The following FAM81B variants were observed in gnomAD, a reference collection of about 807,000 sequenced individuals.
FAM81B encodes the protein protein FAM81B.
In FAM81B, 60 loss-of-function variants were observed where a neutral mutation model predicts 58.7. The observed-to-expected ratio is 1.02, with a 90% confidence interval of 0.83 to 1.27. FAM81B has a LOEUF of 1.27. Ranked by LOEUF, FAM81B falls within the 50% of genes most tolerant of loss-of-function variation. The pLI is 0.00. For missense variants in FAM81B, 491 were observed against 522.0 expected, an observed-to-expected ratio of 0.94 and a Z score of 0.58; for synonymous variants, 189 against 179.6, an observed-to-expected ratio of 1.05 and a Z score of -0.42.
chr5:95,434,903 C>T (rs573858083), intron 6 of FAM81B, among the ~76,000 whole-genome samples: 65 of 152,150 alleles, frequency 4.3e-4, no homozygotes, highest in African/African-American at 1.2e-3. Flanking sequence ...AGATCCTTTG[C>T]GAAGCAAATG....
intron 5 of FAM81B, 46 bp downstream of exon 5, chr5:95,420,448 C>T: frequency 6.2e-7 from 1 of 1,607,384 alleles, no homozygotes; most frequent in Admixed American, 1.7e-5. Flanking sequence ...AATTCTTGGC[C>T]AGTGAATTCG....
At chr5:95,448,135 G>C (rs1745653788) in intron 8 of FAM81B, 134 bp from the exon 9 acceptor site, 7 of 801,794 alleles carry the variant, frequency 8.7e-6, no homozygotes, top group African/African-American at 1.8e-5. Flanking sequence ...TATGAACACA[G>C]TTTTAGATAC....
At chr5:95,396,925 A>C (rs796718927) in intron 3 of FAM81B, 2 of 152,362 alleles carry the variant, frequency 1.3e-5, no homozygotes, top group African/African-American at 4.8e-5. Context: ...TTGAAAAACA[A>C]AGAGGTTGGA....
intron 6 of FAM81B, among the ~76,000 whole-genome samples, chr5:95,435,839 A>G (rs1177576893): frequency 6.6e-6 from 1 of 152,114 alleles, no homozygotes; most frequent in Non-Finnish European, 1.5e-5. Context: ...TAAATTGCCT[A>G]TTATTTTATT....
intron 7 of FAM81B, chr5:95,440,473 G>A: frequency 1.6e-6 from 1 of 629,774 alleles, no homozygotes; most frequent in Non-Finnish European, 3.1e-6. Flanking sequence ...AGTTGCTAAG[G>A]CAAATCAAAC....
intron 3 of FAM81B, 33 bp from the exon 4 acceptor site, chr5:95,413,914 G>A (rs761892066): frequency 6.3e-7 from 1 of 1,589,542 alleles, no homozygotes; most frequent in Non-Finnish European, 8.6e-7. Flanking sequence ...TTCTTGTAAT[G>A]CCCTGGTGTT....
chr5:95,418,829 T>G (rs191237198), intron 4 of FAM81B, among the ~76,000 whole-genome samples: 3 of 152,274 alleles, frequency 2.0e-5, no homozygotes, highest in African/African-American at 7.2e-5. Context: ...GATCTATTTT[T>G]TTCTGAAATC....
intron 3 of FAM81B, among the ~76,000 whole-genome samples, chr5:95,409,790 C>CA (rs969119158): frequency 1.3e-5 from 2 of 151,974 alleles, no homozygotes; most frequent in African/African-American, 4.8e-5. Context: ...TGGCATTGCC[C>CA]AAAAAAACTT....
chr5:95,446,416 T>C (rs1745558686), intron 7 of FAM81B, 146 bp from the exon 8 acceptor site: 1 of 742,238 alleles, frequency 1.3e-6, no homozygotes, highest in Non-Finnish European at 2.1e-6. Flanking sequence ...GTACTTACCT[T>C]GCCTCTGGCA....
chr5:95,423,792 A>T (rs997452392), intron 5 of FAM81B, among the ~76,000 whole-genome samples: 1 of 152,200 alleles, frequency 6.6e-6, no homozygotes, highest in Admixed American at 6.5e-5. Context: ...GACCACAAAC[A>T]GAGCACACTT....
At chr5:95,440,372 G>T (rs1745286356) in intron 7 of FAM81B, 1 of 725,518 alleles carries the variant, frequency 1.4e-6, no homozygotes, top group Admixed American at 1.8e-5. Context: ...CTGGTGTGAA[G>T]GCTAACCTGC....
intron 4 of FAM81B, among the ~76,000 whole-genome samples, chr5:95,418,944 G>A (rs1247731386): frequency 6.6e-6 from 1 of 151,986 alleles, no homozygotes; most frequent in Non-Finnish European, 1.5e-5. Context: ...TTTATGAATT[G>A]CATATAGAGT....
At chr5:95,444,790 T>C (rs1425658733) in intron 7 of FAM81B, among the ~76,000 whole-genome samples, 1 of 152,104 alleles carries the variant, frequency 6.6e-6, no homozygotes, top group African/African-American at 2.4e-5. Flanking sequence ...TATTGGAAAA[T>C]TAACTTACAT....
intron 4 of FAM81B, among the ~76,000 whole-genome samples, chr5:95,418,793 T>C (rs1762604280): frequency 6.6e-6 from 1 of 152,156 alleles, no homozygotes; most frequent in African/African-American, 2.4e-5. Context: ...CTGTGACTTT[T>C]ATGGCTTAAT....
chr5:95,436,715 C>G (rs1475882482), intron 6 of FAM81B, 85 bp from the exon 7 acceptor site: 9 of 894,802 alleles, frequency 1.0e-5, no homozygotes, highest in Non-Finnish European at 1.8e-6. Context: ...TAATCTGTTT[C>G]CCGGCTCCTT....
intron 7 of FAM81B, chr5:95,440,647 C>A: frequency 1.1e-6 from 1 of 873,352 alleles, no homozygotes; most frequent in Non-Finnish European, 1.7e-6. Flanking sequence ...ACAATTATTA[C>A]TGATCCAAGG....
At chr5:95,413,688 AG>A (rs1174958326) in intron 3 of FAM81B, among the ~76,000 whole-genome samples, 1 of 152,198 alleles carries the variant, frequency 6.6e-6, no homozygotes, top group African/African-American at 2.4e-5. Flanking sequence ...CAGTCTTGGA[AG>A]AAGGCTTCTA....
chr5:95,450,223 A>G lies in FAM81B; in HGVS notation c.1300A>G (p.Lys434Glu). Residue 434 changes from lysine (K) to glutamate (E), a missense_variant, in exon 10 of 10, where the codon AAA (lysine) becomes GAA (glutamate). Lys to Glu is a moderately conservative substitution (Grantham distance 56). Transcript: ENST00000283357. ...QKTKMDLEKY[K>E]VQKDLKKLQR... ...AACAAAGATGGATTTAGAGAAATAT[A>G]AAGTACAGAAAGACCTAAAGAAATT... 6.2e-7 allele frequency: 1 copy of G among 1,613,410 alleles called. No individual in the cohort carries two copies. The highest frequency in any genetic ancestry group is 1.3e-5 in the African/African-American group (1 of 75,012).
chr5:95,422,350 T>C (rs941749886), intron 5 of FAM81B, among the ~76,000 whole-genome samples: 20 of 151,314 alleles, frequency 1.3e-4, no homozygotes, highest in Non-Finnish European at 2.4e-4. Context: ...ATTAATATTT[T>C]ATCAATACCA....
Sources: gnomAD v4.1 joint callset for allele counts (sites outside exome capture counted in the v4.1 genomes callset) on GRCh38, gnomAD v4.1.1 for gene constraint, MANE v1.5 for transcripts, NCBI Gene and HGNC (gene_info 2026-07-23, HGNC 2026-07-21) for gene names.